Variants in DHX8 observed in about 807,000 individuals in gnomAD.
DHX8 encodes ATP-dependent RNA helicase DHX8.
A neutral mutation model predicts 140.7 loss-of-function variants in DHX8; 67 were observed. The ratio of observed to expected loss-of-function variants is 0.48; its 90% CI spans 0.39 to 0.58. DHX8 has a LOEUF of 0.58. Ranked by LOEUF, DHX8 falls within the 20% of genes least tolerant of loss-of-function variation. The probability of loss-of-function intolerance (pLI) is 0.00; values close to 1 mark genes in which losing one functional copy is unlikely to be tolerated. For missense variants in DHX8, 887 were observed against 1,550.7 expected (o/e 0.57, Z 7.19); for synonymous variants, 533 against 553.2 (o/e 0.96, Z 0.51).
chr17:43,492,128 A>G, intron 4 of DHX8, 55 bp from the exon 5 acceptor site: 2 of 1,228,914 alleles, frequency 1.6e-6, no homozygotes, highest in Non-Finnish European at 2.4e-6. Context: ...CCTGAGGTAC[A>G]TACAGATTCT....
intron 11 of DHX8, among the ~76,000 whole-genome samples, chr17:43,502,251 G>C (rs1230372926): frequency 6.6e-6 from 1 of 152,188 alleles, no homozygotes; most frequent in African/African-American, 2.4e-5. Flanking sequence ...GCATGTAATA[G>C]AGATTCAAAT....
downstream of DHX8, chr17:43,525,931 G>A (rs1970598279): frequency 1.0e-6 from 1 of 985,290 alleles, no homozygotes; most frequent in Admixed American, 6.2e-5. Context: ...AATGGGCTAA[G>A]GATAAGAGAC....
Position 43,507,214 on chromosome 17 carries a change from G to A in DHX8, c.1923+17G>A. The A allele has an allele frequency of 1.3e-6, 2 of 1,580,174 alleles. No individual in the cohort carries two copies. Among genetic ancestry groups the A allele is most frequent in the Non-Finnish European group, 1.7e-6 (2 of 1,165,592 alleles). On this transcript the variant is annotated intron_variant, in intron 13 of 22. Coordinates refer to ENST00000262415, the MANE Select transcript of DHX8 (RefSeq NM_004941.3). ...GGCCAAGAGGTAAGTAGATAGTGGAGTCGCTCGAAAAATACCAGAAGCAAA... is the reference window on the plus strand; with the variant it reads ...GGCCAAGAGGTAAGTAGATAGTGGAATCGCTCGAAAAATACCAGAAGCAAA...
Position 43,543,232 on chromosome 17 carries a change from G to GGATTTA in DHX8, c.*21-929_*21-924dup. 3.9e-5 allele frequency among the ~76,000 whole-genome samples: 5 copies of GGATTTA among 129,458 alleles called. No individual in the cohort carries two copies. The South Asian group carries it at 1.2e-3, about 31-fold the overall frequency. 84.9% of individuals were successfully genotyped at this position (129,458 alleles called of 152,430 possible). A position where few individuals can be genotyped will look rare whatever the true frequency, so the allele number is the denominator to read the frequency against. On this transcript the variant is annotated intron_variant, in intron 3 of 3. Transcript: ENST00000589898. Reference sequence around the variant, plus strand: ...TCCCCACCCCACCTCCCCACCCACTGGATTTAAATGTACAGGGCAGCAGCA... The same window carrying GGATTTA: ...TCCCCACCCCACCTCCCCACCCACTGGATTTAGATTTAAATGTACAGGGCAGCAGCA...
chr17:43,513,914 T>C (rs1295446640), intron 17 of DHX8, among the ~76,000 whole-genome samples: 1 of 152,078 alleles, frequency 6.6e-6, no homozygotes, highest in Non-Finnish European at 1.5e-5. Flanking sequence ...GGTTTCATCA[T>C]GTTGGTCAGG....
intron 3 of DHX8, among the ~76,000 whole-genome samples, chr17:43,537,899 C>T (rs1300965913): frequency 2.6e-5 from 4 of 151,906 alleles, no homozygotes; most frequent in African/African-American, 7.3e-5. Flanking sequence ...GAGGCTGAGG[C>T]GGGCAGATCA....
chr17:43,540,255 C>T lies in DHX8; in HGVS notation c.*20+3757C>T, dbSNP rs149638430. Among the ~76,000 whole-genome samples the T allele has an allele frequency of 7.9e-3, 1,197 of 152,264 alleles. 8 individuals are homozygous for T. Among genetic ancestry groups the T allele is most frequent in the Non-Finnish European group, 0.013 (880 of 68,028 alleles). ...ACGATCTGAGGTCTGGAATTCTACA[C>T]CAGCCTGGCCAATGTGGCGAAACCC... On this transcript the variant is annotated intron_variant, in intron 3 of 3. Coordinates refer to the DHX8 transcript ENST00000589898.
At chr17:43,513,622 T>C in intron 17 of DHX8, 120 bp downstream of exon 17, 7 of 945,656 alleles carry the variant, frequency 7.4e-6, no homozygotes, top group South Asian at 2.5e-5. Context: ...TACTGGGTAC[T>C]ATAATGACAT....
In DHX8 at chr17:43,493,900, G is replaced by C. The variant is rs75543966; in HGVS notation, c.1212+14G>C. The C allele has an allele frequency of 0.011, 17,047 of 1,613,948 alleles. 121 individuals are homozygous for C. The highest frequency in any genetic ancestry group is 0.013 in the Non-Finnish European group (15,159 of 1,179,876). On this transcript the variant is annotated intron_variant, in intron 8 of 22. Coordinates refer to ENST00000262415, the MANE Select transcript of DHX8 (RefSeq NM_004941.3). Reference sequence around the variant, plus strand: ...GAGATCAAACAGGTTGGGGCCTTTAGTTTTCATGACCAGATAGTCATTCAG... The same window carrying C: ...GAGATCAAACAGGTTGGGGCCTTTACTTTTCATGACCAGATAGTCATTCAG...
chr17:43,537,822 GTC>G (rs1170729152), intron 3 of DHX8, among the ~76,000 whole-genome samples: 2 of 150,924 alleles, frequency 1.3e-5, no homozygotes, highest in South Asian at 2.1e-4. Flanking sequence ...GTGAAATCCT[GTC>G]TCTACTAAAA....
intron 1 of DHX8, among the ~76,000 whole-genome samples, chr17:43,488,205 G>A (rs892856518): frequency 4.6e-5 from 7 of 151,970 alleles, no homozygotes; most frequent in Non-Finnish European, 1.0e-4. Flanking sequence ...TTAAACTCAG[G>A]GGGCAGAGGT....
At chr17:43,541,928 G>A (rs1276486467) in intron 3 of DHX8, among the ~76,000 whole-genome samples, 2 of 152,140 alleles carry the variant, frequency 1.3e-5, no homozygotes, top group African/African-American at 2.4e-5. Flanking sequence ...CAGACATGCC[G>A]AGGCACCAGT....
chr17:43,536,328 A>G (rs748001843), intron 2 of DHX8: 64 of 1,085,872 alleles, frequency 5.9e-5, no homozygotes, highest in Non-Finnish European at 8.0e-5. Flanking sequence ...ACTGTGTTTT[A>G]GGAGAGAACA....
intron 17 of DHX8, among the ~76,000 whole-genome samples, chr17:43,514,284 G>A (rs1598166146): frequency 6.6e-6 from 1 of 152,140 alleles, no homozygotes; most frequent in Non-Finnish European, 1.5e-5. Flanking sequence ...GTCTGAGGCT[G>A]CAGTGAGCTA....
At chr17:43,533,750 T>C in intron 2 of DHX8, 1 of 1,405,336 alleles carries the variant, frequency 7.1e-7, no homozygotes, top group East Asian at 2.5e-5. Context: ...GAAAATCCTT[T>C]CTGTTGTCTA....
At chr17:43,495,469 G>A (rs1968801360) in intron 8 of DHX8, among the ~76,000 whole-genome samples, 1 of 152,102 alleles carries the variant, frequency 6.6e-6, no homozygotes, top group African/African-American at 2.4e-5. Flanking sequence ...TGTAGAGACA[G>A]TCTTGCCGTG....
At chr17:43,533,704 GA>G (rs1971085097) in intron 2 of DHX8, among the ~76,000 whole-genome samples, 1 of 152,072 alleles carries the variant, frequency 6.6e-6, no homozygotes, top group Admixed American at 6.6e-5. Flanking sequence ...CTATTCAGAG[GA>G]AATCCTTAGC....
At chr17:43,527,965 C>T (rs1970668778), downstream of DHX8, 1 of 233,608 alleles carries the variant, frequency 4.3e-6, no homozygotes, top group Admixed American at 5.6e-5. Flanking sequence ...AGCAGGAACC[C>T]ATCCCTCTCT....
In DHX8 at chr17:43,501,088, C is replaced by T. The variant is rs553251714; in HGVS notation, c.1546+985C>T. On this transcript the variant is annotated intron_variant, in intron 11 of 22. Transcript: ENST00000262415. The stretch of plus-strand genomic sequence containing the variant: ...AACAGATATGATCCCTGCTTTTATG[C>T]GCTACAACTTAGTCGGGGATATGGA... 6.6e-5 allele frequency among the ~76,000 whole-genome samples: 10 copies of T among 151,974 alleles called. No homozygotes were observed. In the East Asian group the frequency reaches 7.7e-4, roughly 12 times the overall value.
Sources: gnomAD v4.1 joint callset for allele counts (sites outside exome capture counted in the v4.1 genomes callset) on GRCh38, gnomAD v4.1.1 for gene constraint, MANE v1.5 for transcripts, NCBI Gene and HGNC (gene_info 2026-07-23, HGNC 2026-07-21) for gene names.